Variants in MAGI2 observed in about 807,000 individuals in gnomAD.
The protein encoded by MAGI2 is membrane-associated guanylate kinase, WW and PDZ domain-containing protein 2.
MAGI2 carries 35 observed loss-of-function variants against 133.3 expected under a neutral mutation model. The observed-to-expected ratio is 0.26, with a 90% CI of 0.20 to 0.35. MAGI2 has a LOEUF of 0.35. Among genes scored for constraint, MAGI2 ranks in the 10% least tolerant of loss-of-function variants. The probability of loss-of-function intolerance (pLI) is 1.00; values close to 1 mark genes in which losing one functional copy is unlikely to be tolerated. For missense variants in MAGI2, 1,636 were observed against 1,863.4 expected (o/e 0.88, Z 2.25); for synonymous variants, 729 against 710.6 (o/e 1.03, Z -0.41).
intron 2 of MAGI2, among the ~76,000 whole-genome samples, chr7:78,856,781 C>T (rs902843608): frequency 6.6e-6 from 1 of 152,078 alleles, no homozygotes; most frequent in Non-Finnish European, 1.5e-5. Flanking sequence ...TTTTCCAATT[C>T]TGTGAAGAAA....
At chr7:78,922,747 A>G (rs1015571125) in intron 2 of MAGI2, among the ~76,000 whole-genome samples, 13 of 151,940 alleles carry the variant, frequency 8.6e-5, no homozygotes, top group African/African-American at 3.1e-4. Context: ...TTCTAGTTCT[A>G]GATCCCTGAG....
At chr7:79,158,741 T>C (rs1156609477) in intron 1 of MAGI2, among the ~76,000 whole-genome samples, 1 of 152,062 alleles carries the variant, frequency 6.6e-6, no homozygotes, top group Non-Finnish European at 1.5e-5. Context: ...GAAAAATAAA[T>C]TTAAATATTT....
At chr7:78,822,146 C>T (rs964324492) in intron 2 of MAGI2, among the ~76,000 whole-genome samples, 2 of 151,942 alleles carry the variant, frequency 1.3e-5, no homozygotes, top group Admixed American at 1.3e-4. Flanking sequence ...GATCGATTCC[C>T]ATGGTTTTGC....
At chr7:78,350,226 A>G (rs1478876374) in intron 7 of MAGI2, 2 of 152,212 alleles carry the variant, frequency 1.3e-5, no homozygotes, top group Non-Finnish European at 2.9e-5. Context: ...CTTTGTCTTT[A>G]CATTCACTTA....
At chr7:79,214,407 C>CTCTCTA (rs1554406633) in intron 1 of MAGI2, among the ~76,000 whole-genome samples, 18 of 17,712 alleles carry the variant, frequency 1.0e-3, no homozygotes, top group African/African-American at 2.6e-3. Flanking sequence ...CTCTCTCTCT[C>CTCTCTA]TATATATATA....
At chr7:79,249,149 A>T (rs1833040721) in intron 1 of MAGI2, among the ~76,000 whole-genome samples, 1 of 152,162 alleles carries the variant, frequency 6.6e-6, no homozygotes, top group South Asian at 2.1e-4. Context: ...CACCCAGCCT[A>T]AAACTTATTA....
intron 9 of MAGI2, among the ~76,000 whole-genome samples, chr7:78,287,593 T>C (rs997591557): frequency 2.6e-5 from 4 of 152,130 alleles, no homozygotes; most frequent in African/African-American, 9.7e-5. Flanking sequence ...TCTTGAGTCA[T>C]AAAGGAAATC....
chr7:78,999,032 ACT>A (rs1271425895), intron 2 of MAGI2, among the ~76,000 whole-genome samples: 3 of 151,676 alleles, frequency 2.0e-5, no homozygotes, highest in Non-Finnish European at 4.4e-5. Context: ...TAGCCTCAGA[ACT>A]CTCTCCCCAT....
intron 1 of MAGI2, among the ~76,000 whole-genome samples, chr7:79,231,900 T>C (rs568310607): frequency 1.3e-5 from 2 of 152,316 alleles, no homozygotes; most frequent in East Asian, 3.9e-4. Context: ...TTCCAGTTTT[T>C]GCCCATTCAG....
chr7:78,125,907 T>G, intron 19 of MAGI2, 70 bp from the exon 20 acceptor site: 1 of 1,438,000 alleles, frequency 7.0e-7, no homozygotes, highest in Non-Finnish European at 9.7e-7. Flanking sequence ...GGCTAGTCTC[T>G]GTGTTCTCCT....
intron 3 of MAGI2, among the ~76,000 whole-genome samples, chr7:78,575,209 T>G (rs1330044240): frequency 3.3e-5 from 5 of 152,054 alleles, no homozygotes; most frequent in Admixed American, 3.3e-4. Context: ...ATCATTCCAT[T>G]TAAAAGGAGC....
chr7:78,834,778 G>T (rs929781100), intron 2 of MAGI2, among the ~76,000 whole-genome samples: 5 of 152,072 alleles, frequency 3.3e-5, no homozygotes, highest in African/African-American at 9.7e-5. Flanking sequence ...GAGGTGTTTT[G>T]GTCATGGGGT....
At chr7:78,143,644 T>C (rs1822986893) in intron 16 of MAGI2, among the ~76,000 whole-genome samples, 1 of 152,178 alleles carries the variant, frequency 6.6e-6, no homozygotes, top group African/African-American at 2.4e-5. Context: ...GAAGCATTTA[T>C]ATTTAAAACT....
At chr7:78,032,870 G>A (rs1809735226) in intron 21 of MAGI2, among the ~76,000 whole-genome samples, 1 of 152,192 alleles carries the variant, frequency 6.6e-6, no homozygotes, top group Admixed American at 6.5e-5. Context: ...GATGAGAGAG[G>A]GCTTGACATG....
chr7:78,234,022 T>C (rs1241113484), intron 10 of MAGI2, among the ~76,000 whole-genome samples: 1 of 152,212 alleles, frequency 6.6e-6, no homozygotes, highest in Non-Finnish European at 1.5e-5. Context: ...ATGTTCTTTA[T>C]ATAAGTGTGC....
intron 1 of MAGI2, 73 bp downstream of exon 1, chr7:79,452,947 C>T: frequency 1.4e-6 from 2 of 1,460,446 alleles, no homozygotes; most frequent in Non-Finnish European, 9.1e-7. Flanking sequence ...ACATGCGCGG[C>T]CACCCTTTCA....
chr7:78,369,279 T>G, intron 6 of MAGI2, 66 bp from the exon 7 acceptor site: 1 of 1,158,114 alleles, frequency 8.6e-7, no homozygotes, highest in African/African-American at 1.6e-5. Flanking sequence ...AGTAATATAA[T>G]TTAATTGTTC....
At chr7:78,332,018 GA>G (rs1390490193) in intron 9 of MAGI2, among the ~76,000 whole-genome samples, 2 of 152,040 alleles carry the variant, frequency 1.3e-5, no homozygotes, top group African/African-American at 2.4e-5. Context: ...ACTGAAACTA[GA>G]AAAAAATGTG....
intron 1 of MAGI2, among the ~76,000 whole-genome samples, chr7:79,391,552 T>G (rs1844650693): frequency 1.4e-5 from 1 of 70,652 alleles, no homozygotes; most frequent in Admixed American, 1.3e-4. Context: ...TATATATATA[T>G]ATATATATAT....
Sources: gnomAD v4.1 joint callset for allele counts (sites outside exome capture counted in the v4.1 genomes callset) on GRCh38, gnomAD v4.1.1 for gene constraint, MANE v1.5 for transcripts, NCBI Gene and HGNC (gene_info 2026-07-23, HGNC 2026-07-21) for gene names.